Variants in ATL3 observed in about 807,000 individuals in gnomAD.
ATL3 encodes atlastin-3.
Under a neutral mutation model 69.5 loss-of-function variants are expected in ATL3, and 49 were observed. The observed-to-expected ratio is 0.71, with a 90% CI of 0.56 to 0.89. The LOEUF (loss-of-function observed/expected upper bound fraction) is 0.89, where lower values mean the gene tolerates loss of function less well. ATL3 is among the 40% of genes least tolerant of loss of function. The pLI is 0.00. For missense variants in ATL3, 606 were observed against 645.7 expected (o/e 0.94, Z 0.67); for synonymous variants, 214 against 224.1 (o/e 0.95, Z 0.40).
rs1156563360 is a variant in ATL3 at position 63,627,194 on chromosome 11, G to C, written c.*2125C>G. 6.6e-6 allele frequency: 1 copy of C among 152,092 alleles called. No homozygotes were observed. The highest frequency in any genetic ancestry group is 1.5e-5 in the Non-Finnish European group (1 of 68,014). The allele number at this position is 152,092 out of a possible 1,614,324, so 9.4% of individuals were successfully genotyped here. The stretch of plus-strand genomic sequence containing the variant: ...ACTTATAGAATGTATTAAAAGCTAA[G>C]TATGTCAATATTTACAGAGCCTGCT... On this transcript the variant is annotated 3_prime_UTR_variant, in exon 13 of 13. Coordinates refer to ENST00000398868, the MANE Select transcript of ATL3 (RefSeq NM_015459.5).
At chr11:63,646,655 ATACC>A in intron 5 of ATL3, 92 bp from the exon 6 acceptor site, 1 of 757,500 alleles carries the variant, frequency 1.3e-6, no homozygotes. Flanking sequence ...ATTTATACTG[ATACC>A]AGACTTCTAC....
At chr11:63,671,401 C>A (rs1201890413), upstream of ATL3, 4 of 1,526,636 alleles carry the variant, frequency 2.6e-6, no homozygotes, top group Non-Finnish European at 3.5e-6. Context: ...CGGGCGGGAA[C>A]GAACCGGGCC....
At chr11:63,651,872 A>C in intron 5 of ATL3, 64 bp downstream of exon 5, 2 of 1,532,438 alleles carry the variant, frequency 1.3e-6, no homozygotes, top group African/African-American at 1.4e-5. Context: ...TCAGTTGTAA[A>C]ATGTTCCTTA....
rs1037359254 is a variant in ATL3, at chr11:63,632,619, CAT to C, written c.1107+405_1107+406del. 10 of 903,942 alleles carry C rather than the reference CAT, an allele frequency of 1.1e-5. No individual in the cohort carries two copies. The African/African-American group carries it at 1.6e-4, about 15-fold the overall frequency. 56.0% of individuals were successfully genotyped at this position (903,942 alleles called of 1,614,324 possible). A position where few individuals can be genotyped will look rare whatever the true frequency, so the allele number is the denominator to read the frequency against. The stretch of plus-strand genomic sequence containing the variant: ...GATTCCAGTTACTATGGACCTATTC[CAT>C]ATGAACTAATAAGAGGACGAATCTT... On this transcript the variant is annotated intron_variant, in intron 11 of 12. Transcript: ENST00000398868.
chr11:63,669,648 TAATAC>T (rs2134550797), intron 1 of ATL3, among the ~76,000 whole-genome samples: 1 of 151,982 alleles, frequency 6.6e-6, no homozygotes, highest in South Asian at 2.1e-4. Flanking sequence ...AAACTGTAGC[TAATAC>T]AATAATGGGC....
At chr11:63,646,407 A>G (rs561384131) in intron 6 of ATL3, 100 bp downstream of exon 6, 5 of 665,732 alleles carry the variant, frequency 7.5e-6, no homozygotes, top group Non-Finnish European at 1.0e-5. Context: ...AAGTCATATA[A>G]AAACAGGTGG....
chr11:63,642,186 T>G (rs1223793707), intron 8 of ATL3, among the ~76,000 whole-genome samples: 1 of 152,122 alleles, frequency 6.6e-6, no homozygotes, highest in Non-Finnish European at 1.5e-5. Flanking sequence ...AGCGGATTTC[T>G]CTCCCCAAGC....
At chr11:63,664,338 AGAC>A (rs1371181819) in intron 1 of ATL3, among the ~76,000 whole-genome samples, 2 of 152,108 alleles carry the variant, frequency 1.3e-5, no homozygotes, top group Non-Finnish European at 2.9e-5. Flanking sequence ...CAGGAGTTCG[AGAC>A]CACCCTGGCC....
intron 8 of ATL3, among the ~76,000 whole-genome samples, chr11:63,637,181 G>A (rs759609083): frequency 1.4e-4 from 22 of 151,730 alleles, no homozygotes; most frequent in Middle Eastern, 3.4e-3. Flanking sequence ...GGAGGCTGAA[G>A]CAGAGAATAG....
chr11:63,664,768 C>A (rs941605587), intron 1 of ATL3, among the ~76,000 whole-genome samples: 1 of 151,380 alleles, frequency 6.6e-6, no homozygotes, highest in African/African-American at 2.4e-5. Context: ...CCTCCATGCC[C>A]GGCTAATTTT....
intron 3 of ATL3, among the ~76,000 whole-genome samples, chr11:63,657,296 A>G (rs748159906): frequency 3.3e-5 from 5 of 152,038 alleles, no homozygotes; most frequent in Admixed American, 6.6e-5. Flanking sequence ...GAAAGTCTGT[A>G]TAAGAAACAC....
Position 63,636,238 on chromosome 11 carries a change from AC to A in ATL3, c.946del (p.Val316SerfsTer38). 6.2e-7 allele frequency: 1 copy of A among 1,614,106 alleles called. No homozygotes were observed. Among genetic ancestry groups the A allele is most frequent in the Non-Finnish European group, 8.5e-7 (1 of 1,180,012 alleles). On this transcript the variant is annotated frameshift_variant, in exon 9 of 13. Transcript: ENST00000398868. LOFTEE classifies it high-confidence loss of function. ...LMEKEINGSK[V>X]TCRGLLEYFK... ...ATACTCCAGTAGTCCCCGACAGGTG[AC>A]CTTTGAGCCATTGATCTCCTTTTCC...
chr11:63,669,694 G>C (rs1940712831), intron 1 of ATL3, among the ~76,000 whole-genome samples: 1 of 151,916 alleles, frequency 6.6e-6, no homozygotes, highest in Non-Finnish European at 1.5e-5. Context: ...TGTAATCCCA[G>C]TACTTGGGAG....
rs751393130 is a variant in ATL3 at position 63,629,373 on chromosome 11, G to A, written c.1572C>T (p.Ala524=). The A allele has an allele frequency of 1.2e-6, 2 of 1,614,102 alleles. No homozygotes were observed. The highest frequency in any genetic ancestry group is 1.7e-5 in the Admixed American group (1 of 60,012). The change falls in exon 13 of 13, where the codon GCC becomes GCT. Residue 524 remains alanine (A), a synonymous_variant. Transcript: ENST00000398868. The part of the protein sequence containing the change: ...ASSHIGNSTQ[A]TVRDAVVGRP... ...TTCCAACAACTGCATCCCTCACAGT[G>A]GCCTGAGTGGAATTACCGATATGAG...
Position 63,631,148 on chromosome 11 carries a change from A to C in ATL3, c.1431T>G (p.Val477=). 6.2e-7 allele frequency: 1 copy of C among 1,614,218 alleles called. No homozygotes were observed. The highest frequency in any genetic ancestry group is 1.7e-5 in the Admixed American group (1 of 60,022). ...EVVAQLFNCM[V]GLLLIALLTW... is the part of the protein sequence containing the mutation. ...TGAGGAGTGCTATTAACAGTAGTCC[A>C]ACCATACAGTTGAACAACTGGGCTA... The change falls in exon 12 of 13, where the codon GTT becomes GTG. Residue 477 remains valine, a synonymous_variant. Coordinates refer to ENST00000398868, the MANE Select transcript of ATL3 (RefSeq NM_015459.5).
At chr11:63,660,244 G>C (rs1299759947) in intron 1 of ATL3, among the ~76,000 whole-genome samples, 1 of 152,056 alleles carries the variant, frequency 6.6e-6, no homozygotes, top group East Asian at 1.9e-4. Context: ...CCCACATCCA[G>C]CATCAACATA....
At chr11:63,632,984 C>A (rs1407362058) in intron 11 of ATL3, 42 bp downstream of exon 11, 1 of 1,577,976 alleles carries the variant, frequency 6.3e-7, no homozygotes, top group Non-Finnish European at 8.7e-7. Context: ...CAACAATGCC[C>A]AGATTATAGA....
intron 1 of ATL3, among the ~76,000 whole-genome samples, chr11:63,661,578 A>G (rs1176966241): frequency 1.3e-5 from 2 of 151,982 alleles, no homozygotes; most frequent in Non-Finnish European, 2.9e-5. Context: ...AGACTGTCTT[A>G]AAGAGAAGAG....
In ATL3 at chr11:63,628,800, C is replaced by T. The variant is rs2134456352; in HGVS notation, c.*519G>A. The T allele has an allele frequency of 7.1e-6, 1 of 140,004 alleles. No homozygotes were observed. Among genetic ancestry groups the T allele is most frequent in the Middle Eastern group, 4.5e-3 (1 of 222 alleles). The allele number at this position is 140,004 out of a possible 1,614,324, so 8.7% of individuals were successfully genotyped here. Reference sequence around the variant, plus strand: ...GCAGTGAGCCAAGATCACACCACTGCACTCAAGCCTGGTGACAGAGCGAGA... The same window carrying T: ...GCAGTGAGCCAAGATCACACCACTGTACTCAAGCCTGGTGACAGAGCGAGA... On this transcript the variant is annotated 3_prime_UTR_variant, in exon 13 of 13. Transcript: ENST00000398868.
Sources: gnomAD v4.1 joint callset for allele counts (sites outside exome capture counted in the v4.1 genomes callset) on GRCh38, gnomAD v4.1.1 for gene constraint, MANE v1.5 for transcripts, NCBI Gene and HGNC (gene_info 2026-07-23, HGNC 2026-07-21) for gene names.